STK3: variants seen among roughly 807,000 people sequenced by gnomAD.
STK3 encodes the protein serine/threonine kinase 3.
In STK3, 41 loss-of-function variants were observed where a neutral mutation model predicts 58.0. The observed-to-expected ratio is 0.71, with a 90% CI of 0.55 to 0.92. The LOEUF is 0.92. STK3 is among the 40% of genes least tolerant of loss of function. The pLI is 0.00. For synonymous variants in STK3, 170 were observed against 191.0 expected (o/e 0.89, Z 0.91); for missense variants, 479 against 602.7 (o/e 0.79, Z 2.15).
intron 1 of STK3, chr8:98,883,863 G>A (rs939902702): frequency 1.6e-6 from 1 of 610,702 alleles, no homozygotes. Flanking sequence ...TCACTCCTTA[G>A]TTCAGTCAAC....
intron 10 of STK3, 168 bp downstream of exon 10, chr8:98,526,574 G>A: frequency 2.0e-6 from 1 of 487,976 alleles, no homozygotes; most frequent in South Asian, 1.1e-4. Flanking sequence ...GCAAGCTACA[G>A]TTTCACAATT....
chr8:98,610,613 G>A (rs1241256945), intron 6 of STK3, among the ~76,000 whole-genome samples: 1 of 152,182 alleles, frequency 6.6e-6, no homozygotes, highest in Non-Finnish European at 1.5e-5. Context: ...CTAGCCTGGT[G>A]CAGTCTGTCC....
chr8:98,887,601 A>T (rs1838038945), intron 1 of STK3, among the ~76,000 whole-genome samples: 1 of 152,236 alleles, frequency 6.6e-6, no homozygotes, highest in Non-Finnish European at 1.5e-5. Flanking sequence ...GAGTAAAGAA[A>T]AGATTATAAA....
At chr8:98,707,726 C>T (rs1483930504) in intron 4 of STK3, among the ~76,000 whole-genome samples, 1 of 151,982 alleles carries the variant, frequency 6.6e-6, no homozygotes, top group African/African-American at 2.4e-5. Flanking sequence ...TTTCTAATGA[C>T]CGCTAAACCT....
At chr8:98,860,988 A>T (rs1275871867) in intron 3 of STK3, among the ~76,000 whole-genome samples, 2 of 152,098 alleles carry the variant, frequency 1.3e-5, no homozygotes, top group Non-Finnish European at 2.9e-5. Context: ...TGAACCCAGG[A>T]GGTGGAGGTT....
chr8:98,770,934 A>T (rs1192376292), intron 2 of STK3, among the ~76,000 whole-genome samples: 1 of 151,520 alleles, frequency 6.6e-6, no homozygotes, highest in Non-Finnish European at 1.5e-5. Flanking sequence ...AGCTTCATTT[A>T]AAAAAAAACT....
intron 7 of STK3, among the ~76,000 whole-genome samples, chr8:98,587,912 G>A (rs1304803465): frequency 6.6e-6 from 1 of 152,038 alleles, no homozygotes; most frequent in Non-Finnish European, 1.5e-5. Flanking sequence ...CAGAGACTAG[G>A]ATTGCAACCC....
intron 3 of STK3, among the ~76,000 whole-genome samples, chr8:98,764,672 A>G (rs1334981609): frequency 6.6e-6 from 1 of 152,230 alleles, no homozygotes; most frequent in African/African-American, 2.4e-5. Flanking sequence ...GAGTTGCCCA[A>G]ACAGAAATTA....
intron 6 of STK3, among the ~76,000 whole-genome samples, chr8:98,667,030 G>A (rs1043728889): frequency 1.3e-5 from 2 of 152,124 alleles, no homozygotes; most frequent in Non-Finnish European, 2.9e-5. Flanking sequence ...AGCAAGCATA[G>A]CTTTCCAAAA....
chr8:98,455,626 C>T lies in STK3; in HGVS notation c.*216G>A. The T allele has an allele frequency of 1.8e-6, 1 of 570,118 alleles. No individual in the cohort carries two copies. Among genetic ancestry groups the T allele is most frequent in the Non-Finnish European group, 3.1e-6 (1 of 324,246 alleles). The allele number at this position is 570,118 out of a possible 1,614,324, so 35.3% of individuals were successfully genotyped here. A position where few individuals can be genotyped will look rare whatever the true frequency, so the allele number is the denominator to read the frequency against. On this transcript the variant is annotated 3_prime_UTR_variant, in exon 11 of 11. Transcript: ENST00000419617. ...ATGCAGCTGACAGAACAAGAGAATA[C>T]ACTTCTTTTGTTCTCCTCATCTTAG... is the stretch of plus-strand genomic sequence containing the variant.
At chr8:98,783,848 A>G (rs1166647652) in intron 1 of STK3, among the ~76,000 whole-genome samples, 1 of 152,202 alleles carries the variant, frequency 6.6e-6, no homozygotes, top group Non-Finnish European at 1.5e-5. Context: ...GATAGTGTAC[A>G]AAGGCCAACT....
chr8:98,928,826 G>A (rs979385181), intron 1 of STK3, among the ~76,000 whole-genome samples: 1 of 152,204 alleles, frequency 6.6e-6, no homozygotes, highest in African/African-American at 2.4e-5. Context: ...TGGCTTTATG[G>A]ACCAGAAGCA....
the STK3 span, among the ~76,000 whole-genome samples, chr8:98,348,645 C>T: frequency 3.9e-5 from 6 of 152,106 alleles, no homozygotes; most frequent in African/African-American, 1.4e-4. Flanking sequence ...ATACAGATGG[C>T]AAATAAGTGT....
chr8:98,675,431 T>C (rs1056425323), intron 6 of STK3, among the ~76,000 whole-genome samples: 1 of 152,226 alleles, frequency 6.6e-6, no homozygotes, highest in African/African-American at 2.4e-5. Flanking sequence ...GCATTTTATA[T>C]GCCATCTTAT....
intron 6 of STK3, among the ~76,000 whole-genome samples, chr8:98,695,662 T>A (rs921632359): frequency 6.6e-5 from 10 of 152,224 alleles, no homozygotes; most frequent in Admixed American, 1.3e-4. Context: ...GTTGTAGATA[T>A]GAAGCATTAT....
intron 1 of STK3, among the ~76,000 whole-genome samples, chr8:98,788,395 A>G (rs904399732): frequency 2.6e-5 from 4 of 151,876 alleles, no homozygotes; most frequent in African/African-American, 9.7e-5. Context: ...CCCTGATTAT[A>G]CCACTGCACT....
At chr8:98,374,911 G>A (rs185144420) in intron 2 of STK3, among the ~76,000 whole-genome samples, 1 of 152,152 alleles carries the variant, frequency 6.6e-6, no homozygotes, top group East Asian at 1.9e-4. Context: ...AGGGTGGCAG[G>A]AAGACCCTAT....
At chr8:98,776,794 G>A (rs2131500669) in intron 1 of STK3, among the ~76,000 whole-genome samples, 1 of 151,930 alleles carries the variant, frequency 6.6e-6, no homozygotes, top group Admixed American at 6.6e-5. Context: ...GCTCACGCCT[G>A]TAATCCCAGC....
chr8:98,663,856 G>A (rs1369155850), intron 6 of STK3, among the ~76,000 whole-genome samples: 1 of 152,016 alleles, frequency 6.6e-6, no homozygotes, highest in South Asian at 2.1e-4. Context: ...GTAGGAGAAA[G>A]GTTACATAGT....
Sources: gnomAD v4.1 joint callset for allele counts (sites outside exome capture counted in the v4.1 genomes callset) on GRCh38, gnomAD v4.1.1 for gene constraint, MANE v1.5 for transcripts, NCBI Gene and HGNC (gene_info 2026-07-23, HGNC 2026-07-21) for gene names.